The following MUSK variants were observed in gnomAD, a reference collection of about 807,000 sequenced individuals.
MUSK encodes muscle, skeletal receptor tyrosine-protein kinase.
In MUSK, 55 loss-of-function variants were observed where a neutral mutation model predicts 88.7. The ratio of observed to expected loss-of-function variants is 0.62; its 90% CI spans 0.50 to 0.78. MUSK has a LOEUF of 0.78. Among genes scored for constraint, MUSK ranks in the 30% least tolerant of loss-of-function variants. The pLI is 0.00. For synonymous variants in MUSK, 387 were observed against 391.9 expected, an observed-to-expected ratio of 0.99 and a Z score of 0.15; for missense variants, 1,015 against 1,074.3, an observed-to-expected ratio of 0.94 and a Z score of 0.77.
intron 9 of MUSK, among the ~76,000 whole-genome samples, chr9:110,774,874 C>CAG: frequency 7.3e-6 from 1 of 136,686 alleles, no homozygotes; most frequent in South Asian, 2.3e-4. Context: ...TATACACACA[C>CAG]ACACACACAC....
rs775965812 is a variant in MUSK, at chr9:110,800,331, G to A, written c.1953G>A (p.Met651Ile). 3 of 1,611,602 alleles carry A rather than the reference G, an allele frequency of 1.9e-6. No individual in the cohort carries two copies. Among genetic ancestry groups the A allele is most frequent in the Non-Finnish European group, 2.5e-6 (3 of 1,178,104 alleles). The change falls in exon 15 of 15, where the codon ATG becomes ATA. Residue 651 changes from methionine to isoleucine, a missense_variant. Transcript: ENST00000374448. ...GAGTGTGTGCTGTCGGGAAGCCAAT[G>A]TGCCTGCTCTTTGAATACATGGCCT... ...LLGVCAVGKPMCLLFEYMAYG... is the reference protein window; with the variant it reads ...LLGVCAVGKPICLLFEYMAYG...
intron 7 of MUSK, among the ~76,000 whole-genome samples, chr9:110,758,479 A>G (rs1440241440): frequency 1.3e-5 from 2 of 152,208 alleles, no homozygotes; most frequent in Non-Finnish European, 2.9e-5. Context: ...AATGGGCAAA[A>G]GCTGGAAGTA....
At chr9:110,756,684 A>G (rs879307931) in intron 7 of MUSK, among the ~76,000 whole-genome samples, 15 of 152,174 alleles carry the variant, frequency 9.9e-5, no homozygotes, top group Non-Finnish European at 2.1e-4. Flanking sequence ...CTAGGGAAAT[A>G]ATTCATCCCC....
intron 6 of MUSK, among the ~76,000 whole-genome samples, chr9:110,735,972 C>T (rs2077026139): frequency 6.6e-6 from 1 of 152,154 alleles, no homozygotes; most frequent in South Asian, 2.1e-4. Flanking sequence ...CACCCCACGC[C>T]AGGCCCAACT....
intron 6 of MUSK, among the ~76,000 whole-genome samples, chr9:110,747,245 G>A (rs1348293203): frequency 6.6e-6 from 1 of 152,224 alleles, no homozygotes; most frequent in Admixed American, 6.5e-5. Flanking sequence ...TTGGATGGTT[G>A]TTGTTGGTTC....
chr9:110,675,217 T>TTTTC (rs2076009418), intron 1 of MUSK, among the ~76,000 whole-genome samples: 1 of 124,752 alleles, frequency 8.0e-6, no homozygotes, highest in Non-Finnish European at 1.6e-5. Context: ...CATTGCCTCT[T>TTTTC]TTTTTTTTTT....
intron 5 of MUSK, among the ~76,000 whole-genome samples, chr9:110,702,699 C>T (rs1426825783): frequency 1.3e-5 from 2 of 151,862 alleles, no homozygotes; most frequent in Non-Finnish European, 2.9e-5. Context: ...TGGAGACCAA[C>T]CTGGGCGACA....
At chr9:110,715,580 A>G (rs1275082222) in intron 5 of MUSK, among the ~76,000 whole-genome samples, 1 of 148,864 alleles carries the variant, frequency 6.7e-6, no homozygotes, top group Non-Finnish European at 1.5e-5. Context: ...CAAGATATTG[A>G]CTATAAGGAA....
intron 5 of MUSK, among the ~76,000 whole-genome samples, chr9:110,708,564 T>C (rs1176678403): frequency 6.6e-6 from 1 of 152,178 alleles, no homozygotes; most frequent in East Asian, 1.9e-4. Context: ...GAAAATTAAA[T>C]CTGCATGATT....
intron 8 of MUSK, among the ~76,000 whole-genome samples, chr9:110,763,765 A>G (rs1031190359): frequency 2.0e-5 from 3 of 152,210 alleles, no homozygotes; most frequent in African/African-American, 7.2e-5. Flanking sequence ...TAACACAAAC[A>G]TGCCATGGCT....
intron 14 of MUSK, among the ~76,000 whole-genome samples, chr9:110,797,354 T>C (rs188715260): frequency 2.6e-5 from 4 of 151,832 alleles, no homozygotes; most frequent in East Asian, 3.9e-4. Flanking sequence ...GGCAGTGAAC[T>C]AGGGTGAAAA....
At chr9:110,769,169 C>A (rs185943767) in intron 9 of MUSK, among the ~76,000 whole-genome samples, 3 of 152,248 alleles carry the variant, frequency 2.0e-5, no homozygotes, top group Admixed American at 1.3e-4. Flanking sequence ...GTTGAGGAAA[C>A]CCCATGACAA....
At chr9:110,728,226 T>C (rs1321013444) in intron 5 of MUSK, 5 of 158,298 alleles carry the variant, frequency 3.2e-5, no homozygotes, top group African/African-American at 1.2e-4. Flanking sequence ...TACCACAACA[T>C]GAGTCTATTG....
At chr9:110,702,658 CA>C (rs1206387585) in intron 5 of MUSK, among the ~76,000 whole-genome samples, 1 of 152,092 alleles carries the variant, frequency 6.6e-6, no homozygotes, top group African/African-American at 2.4e-5. Context: ...CCTGTAATCC[CA>C]GCACATTGGG....
intron 9 of MUSK, among the ~76,000 whole-genome samples, chr9:110,769,973 A>G (rs997009218): frequency 1.1e-4 from 16 of 152,072 alleles, no homozygotes; most frequent in Admixed American, 4.6e-4. Flanking sequence ...CCATTGTATA[A>G]AAAAAGAACA....
intron 7 of MUSK, among the ~76,000 whole-genome samples, chr9:110,754,750 T>A: frequency 6.6e-6 from 1 of 152,250 alleles, no homozygotes; most frequent in East Asian, 1.9e-4. Context: ...TGTTCCACTG[T>A]CTTTCTTCCC....
chr9:110,754,712 T>C (rs2077290601), intron 7 of MUSK, among the ~76,000 whole-genome samples: 1 of 152,370 alleles, frequency 6.6e-6, no homozygotes, highest in South Asian at 2.1e-4. Flanking sequence ...CCAAATTATA[T>C]GCCATTTTCT....
Position 110,728,749 on chromosome 9 carries a change from T to G in MUSK, c.629-5502T>G, listed in dbSNP as rs768297746. The G allele has an allele frequency of 1.0e-5, 16 of 1,549,728 alleles. No individual in the cohort carries two copies. The African/African-American group carries it at 2.1e-4, about 20-fold the overall frequency. On this transcript the variant is annotated intron_variant, in intron 5 of 14. Coordinates refer to ENST00000374448, the MANE Select transcript of MUSK (RefSeq NM_005592.4). ...TTTTTTCTTTCTGCATGGCTTCTTT[T>G]TAATTGTGTAGCTCTTTTCAATTGT...
rs34115159 is a variant in MUSK, at chr9:110,800,951, G to A, written c.2573G>A (p.Arg858His). 4.5e-4 allele frequency: 693 copies of A among 1,523,288 alleles called. 1 individual carries two copies. The East Asian group carries it at 0.014, about 31-fold the overall frequency. 94.4% of individuals were successfully genotyped at this position (1,523,288 alleles called of 1,614,324 possible). A position where few individuals can be genotyped will look rare whatever the true frequency, so the allele number is the denominator to read the frequency against. The change falls in exon 15 of 15, where the codon CGC becomes CAC. Residue 858 changes from arginine to histidine, a missense_variant. By Grantham distance (29) the Arg-to-His change is conservative. Coordinates refer to ENST00000374448, the MANE Select transcript of MUSK (RefSeq NM_005592.4). ...ACCAGTATTCACCGAATTCTGGAAC[G>A]CATGTGTGAGAGGGCAGAGGGAACT... ...SFTSIHRILE[R>H]MCERAEGTVS...
Sources: allele counts gnomAD v4.1 joint callset (sites outside exome capture counted in the v4.1 genomes callset), GRCh38; gene constraint gnomAD v4.1.1; transcripts MANE v1.5; gene names NCBI Gene and HGNC (gene_info 2026-07-23, HGNC 2026-07-21).